MAN1A1: variants seen among roughly 807,000 people sequenced by gnomAD.
The protein encoded by MAN1A1 is mannosidase alpha class 1A member 1.
MAN1A1 carries 29 observed loss-of-function variants against 70.8 expected under a neutral mutation model. That is an observed-to-expected ratio of 0.41 (90% CI 0.31 to 0.56). The LOEUF (loss-of-function observed/expected upper bound fraction) is 0.56. MAN1A1 is among the 20% of genes least tolerant of loss of function. The probability of loss-of-function intolerance (pLI) is 0.29; values close to 1 mark genes in which losing one functional copy is unlikely to be tolerated. For synonymous variants in MAN1A1, 349 were observed against 330.1 expected, an observed-to-expected ratio of 1.06 and a Z score of -0.62; for missense variants, 747 against 841.3, an observed-to-expected ratio of 0.89 and a Z score of 1.39.
intron 5 of MAN1A1, among the ~76,000 whole-genome samples, chr6:119,272,723 TTTCGA>T (rs1775958053): frequency 6.6e-6 from 1 of 152,276 alleles, no homozygotes; most frequent in African/African-American, 2.4e-5. Flanking sequence ...TGTACCACAC[TTTCGA>T]TTGATTTATG....
intron 6 of MAN1A1, among the ~76,000 whole-genome samples, chr6:119,214,460 TA>T (rs1463370861): frequency 1.3e-5 from 2 of 152,224 alleles, no homozygotes; most frequent in Non-Finnish European, 2.9e-5. Flanking sequence ...CTGCAGTTTA[TA>T]AAATAAGTTT....
chr6:119,184,414 G>C (rs192725152), intron 11 of MAN1A1, among the ~76,000 whole-genome samples: 76 of 152,284 alleles, frequency 5.0e-4, no homozygotes, highest in African/African-American at 1.7e-3. Flanking sequence ...TAAATCCTAA[G>C]TCAGAGGACA....
intron 5 of MAN1A1, among the ~76,000 whole-genome samples, chr6:119,281,323 G>A (rs1776219890): frequency 1.3e-5 from 2 of 152,164 alleles, no homozygotes; most frequent in South Asian, 4.1e-4. Flanking sequence ...GCAGTTAAGA[G>A]GGCTACACAG....
At chr6:119,326,689 G>C (rs898580399) in intron 2 of MAN1A1, among the ~76,000 whole-genome samples, 5 of 152,204 alleles carry the variant, frequency 3.3e-5, no homozygotes, top group Non-Finnish European at 5.9e-5. Context: ...AAGCAAGGCA[G>C]GGAAGGAAGA....
At chr6:119,295,289 A>T (rs1358783986) in intron 4 of MAN1A1, among the ~76,000 whole-genome samples, 2 of 152,150 alleles carry the variant, frequency 1.3e-5, no homozygotes. Context: ...TTTTATAGGC[A>T]ACTTATTCAC....
At chr6:119,274,991 T>C (rs1776015995) in intron 5 of MAN1A1, among the ~76,000 whole-genome samples, 1 of 152,242 alleles carries the variant, frequency 6.6e-6, no homozygotes, top group African/African-American at 2.4e-5. Flanking sequence ...ACACAACTTG[T>C]GCAAAAATCT....
At chr6:119,181,356 G>C (rs1384027637) in intron 11 of MAN1A1, among the ~76,000 whole-genome samples, 1 of 152,058 alleles carries the variant, frequency 6.6e-6, no homozygotes, top group Non-Finnish European at 1.5e-5. Flanking sequence ...AAAATTGATT[G>C]TAGGGTACTC....
intron 5 of MAN1A1, among the ~76,000 whole-genome samples, chr6:119,264,229 C>T (rs1222792163): frequency 2.0e-5 from 3 of 152,162 alleles, no homozygotes; most frequent in African/African-American, 7.2e-5. Context: ...AGGGCTTATA[C>T]ATTTGTATTT....
At position 119,348,663 on chromosome 6, in the gene MAN1A1, C is replaced by G; in HGVS notation, c.403G>C (p.Ala135Pro). ...GGCAGCTTCTGCAGGGTCTCCTTGG[C>G]TTCCCTGAGAGCCCGCTCGTGGTTT... ...RENHERALRE[A>P]KETLQKLPEE... Residue 135 changes from alanine (A) to proline (P), a missense_variant, in exon 2 of 13, where the codon GCC becomes CCC. Physicochemically the swap from Ala to Pro is conservative, Grantham distance 27 (BLOSUM62 -1). This residue lies in a region of MAN1A1 where 328 missense variants were observed against 293.1 expected (regional missense o/e 1.12). Transcript: ENST00000368468. The G allele has an allele frequency of 6.2e-7, 1 of 1,613,166 alleles. No individual in the cohort carries two copies. Among genetic ancestry groups the G allele is most frequent in the Non-Finnish European group, 8.5e-7 (1 of 1,179,616 alleles).
At chr6:119,317,241 T>C (rs1263644512) in intron 2 of MAN1A1, among the ~76,000 whole-genome samples, 2 of 152,146 alleles carry the variant, frequency 1.3e-5, no homozygotes, top group African/African-American at 4.8e-5. Context: ...CACTGACACA[T>C]CATTACCACC....
chr6:119,349,489 G>T, intron 1 of MAN1A1, 53 bp downstream of exon 1: 1 of 972,130 alleles, frequency 1.0e-6, no homozygotes, highest in Non-Finnish European at 1.2e-6. Context: ...GGGGTGTCCC[G>T]CGCAGGAAGG....
intron 2 of MAN1A1, among the ~76,000 whole-genome samples, chr6:119,328,891 T>C (rs1773229401): frequency 6.6e-6 from 1 of 152,222 alleles, no homozygotes; most frequent in Non-Finnish European, 1.5e-5. Flanking sequence ...GGTGGGGAAC[T>C]GTCATTTCAA....
In MAN1A1 at chr6:119,189,643, TGAA is replaced by T. The variant is rs1773384832; in HGVS notation, c.1546+18_1546+20del. The T allele has an allele frequency of 2.5e-6, 4 of 1,607,858 alleles. No homozygotes were observed. The highest frequency in any genetic ancestry group is 3.4e-6 in the Non-Finnish European group (4 of 1,174,550). ...AAAGCATGTGGGAATAGACCATAAATGAAGAATAACATGTACTCACATGTTCGA... is the reference window on the plus strand; with the variant it reads ...AAAGCATGTGGGAATAGACCATAAATGAATAACATGTACTCACATGTTCGA... On this transcript the variant is annotated intron_variant, in intron 10 of 12. Transcript: ENST00000368468.
At chr6:119,322,361 A>G (rs1773031627) in intron 2 of MAN1A1, among the ~76,000 whole-genome samples, 1 of 152,102 alleles carries the variant, frequency 6.6e-6, no homozygotes, top group African/African-American at 2.4e-5. Flanking sequence ...AGCTTAGACC[A>G]ATTACTACTA....
chr6:119,295,964 C>G (rs893614117), intron 4 of MAN1A1, among the ~76,000 whole-genome samples: 2 of 152,156 alleles, frequency 1.3e-5, no homozygotes, highest in Admixed American at 1.3e-4. Flanking sequence ...CAACATGAGA[C>G]TTTTCAAAAC....
chr6:119,225,720 A>G (rs1010760860), intron 6 of MAN1A1, among the ~76,000 whole-genome samples: 4 of 152,360 alleles, frequency 2.6e-5, no homozygotes, highest in African/African-American at 9.6e-5. Flanking sequence ...AACAGCCATA[A>G]GACGCAAGAA....
intron 6 of MAN1A1, among the ~76,000 whole-genome samples, chr6:119,208,516 A>G (rs1258348711): frequency 6.6e-6 from 1 of 152,206 alleles, no homozygotes; most frequent in Non-Finnish European, 1.5e-5. Flanking sequence ...TAACTGTGGT[A>G]ATACATTTCA....
At chr6:119,260,716 T>G (rs1297865452) in intron 5 of MAN1A1, among the ~76,000 whole-genome samples, 3 of 152,218 alleles carry the variant, frequency 2.0e-5, no homozygotes, top group Non-Finnish European at 4.4e-5. Context: ...CTGTTTTTAA[T>G]AGATCAGTGT....
At chr6:119,330,285 C>T (rs1264174509) in intron 2 of MAN1A1, among the ~76,000 whole-genome samples, 1 of 152,100 alleles carries the variant, frequency 6.6e-6, no homozygotes, top group Non-Finnish European at 1.5e-5. Flanking sequence ...TATCCTAAAC[C>T]ACATCCATTA....
Sources: gnomAD v4.1 joint callset for allele counts (sites outside exome capture counted in the v4.1 genomes callset) on GRCh38, gnomAD v4.1.1 for gene constraint, gnomAD v4.1.1 regional missense constraint, MANE v1.5 for transcripts, NCBI Gene and HGNC (gene_info 2026-07-23, HGNC 2026-07-21) for gene names.